The following PELP1 variants were observed in gnomAD, a reference collection of about 807,000 sequenced individuals.
PELP1 encodes proline, glutamate and leucine rich protein 1.
A neutral mutation model predicts 95.5 loss-of-function variants in PELP1; 32 were observed. That is an observed-to-expected ratio of 0.34 (90% CI 0.25 to 0.45). PELP1 has a LOEUF of 0.45. Among genes scored for constraint, PELP1 ranks in the 20% least tolerant of loss-of-function variants. PELP1 has a pLI of 1.00. For synonymous variants in PELP1, 668 were observed against 600.1 expected, an observed-to-expected ratio of 1.11 and a Z score of -1.65; for missense variants, 1,358 against 1,444.8, an observed-to-expected ratio of 0.94 and a Z score of 0.97.
At chr17:4,678,129 G>A (rs1226192581) in intron 5 of PELP1, among the ~76,000 whole-genome samples, 2 of 151,724 alleles carry the variant, frequency 1.3e-5, no homozygotes, top group East Asian at 3.9e-4. Flanking sequence ...CAGGAGAATT[G>A]CTTGAACCCA....
In PELP1 at chr17:4,677,866, C is replaced by T. The variant is rs117345996; in HGVS notation, c.643-1054G>A. ...GACCACCCAAGCCCAGAACCGAGAT[C>T]ATGCCAGTCAGTGTACTCTAGCCTG... On this transcript the variant is annotated intron_variant, in intron 5 of 16. Transcript: ENST00000572293. Among the ~76,000 whole-genome samples the T allele has an allele frequency of 2.2e-3, 333 of 151,404 alleles. 1 individual carries two copies. The highest frequency in any genetic ancestry group is 1.0e-2 in the Admixed American group (152 of 15,202).
rs1597448826 is a variant in PELP1, at chr17:4,678,468, C to A, written c.643-1656G>T. 2.0e-5 allele frequency among the ~76,000 whole-genome samples: 3 copies of A among 152,278 alleles called. No homozygotes were observed. In the East Asian group the frequency reaches 5.8e-4, roughly 29 times the overall value. The stretch of plus-strand genomic sequence containing the variant: ...CCTGGGTCACAGAGCGAGACCCTAT[C>A]TCCAAAAACGGCTCAAAAAGCTGGA... On this transcript the variant is annotated intron_variant, in intron 5 of 16. Transcript: ENST00000572293.
chr17:4,672,287 C>A lies in PELP1; in HGVS notation c.2704G>T (p.Glu902Ter). ...AAGTCTTCCTCCTCTTCCTCTTCTT[C>A]CTCTTCTTCTTCTTCCTCTTCTTCC... ...EEEEEEEEEE[E>*]EEEEEEDFEE... The change falls in exon 16 of 17, where the codon GAA (glutamate) becomes TAA (stop). Residue 902 changes from glutamate (E) to a stop codon, truncating the protein, a stop_gained. Transcript: ENST00000572293. LOFTEE classifies it high-confidence loss of function. 6.4e-7 allele frequency: 1 copy of A among 1,551,228 alleles called. No homozygotes were observed.
At chr17:4,701,012 A>AAAAAAAC (rs1913507215) in intron 1 of PELP1, among the ~76,000 whole-genome samples, 1 of 149,914 alleles carries the variant, frequency 6.7e-6, no homozygotes, top group Non-Finnish European at 1.5e-5. Flanking sequence ...AAAAAAAAAA[A>AAAAAAAC]AAAGCCAAGC....
At chr17:4,703,177 C>T (rs983557949) in intron 1 of PELP1, among the ~76,000 whole-genome samples, 2 of 152,128 alleles carry the variant, frequency 1.3e-5, no homozygotes, top group Non-Finnish European at 2.9e-5. Context: ...TCATCTGTAC[C>T]CACTCTCTTC....
At chr17:4,703,763 T>C (rs1268180591) in intron 1 of PELP1, 100 bp downstream of exon 1, 5 of 1,046,030 alleles carry the variant, frequency 4.8e-6, no homozygotes, top group Non-Finnish European at 6.9e-6. Context: ...CTCTCCTTCC[T>C]TCAACCTCCC....
intron 5 of PELP1, 127 bp downstream of exon 5, chr17:4,682,375 T>A (rs1397264697): frequency 1.5e-6 from 1 of 676,854 alleles, no homozygotes; most frequent in Non-Finnish European, 2.7e-6. Flanking sequence ...GGTAGAAGTG[T>A]ACTTGTGGAG....
rs764046837 is a variant in PELP1, at chr17:4,672,651, C to T, written c.2340G>A (p.Leu780=). The change falls in exon 16 of 17, where the codon TTG becomes TTA. Residue 780 remains leucine, a synonymous_variant. Transcript: ENST00000572293. ...KEEASDVEIS[L]ESDSDDSVVI... is the part of the protein sequence containing the mutation. Reference sequence around the variant, plus strand: ...CCACGCTGTCATCAGAGTCACTTTCCAAGGAGATCTCCACATCAGATGCCT... The same window carrying T: ...CCACGCTGTCATCAGAGTCACTTTCTAAGGAGATCTCCACATCAGATGCCT... The T allele has an allele frequency of 6.2e-7, 1 of 1,613,300 alleles. No homozygotes were observed. The highest frequency in any genetic ancestry group is 1.7e-5 in the Admixed American group (1 of 59,988).
chr17:4,684,102 G>C (rs1362148294), intron 3 of PELP1, among the ~76,000 whole-genome samples: 1 of 151,984 alleles, frequency 6.6e-6, no homozygotes, highest in Admixed American at 6.6e-5. Context: ...AATTTAAAAG[G>C]ACTTCCTTAG....
intron 5 of PELP1, among the ~76,000 whole-genome samples, chr17:4,679,037 T>C (rs1241472866): frequency 6.6e-6 from 1 of 151,860 alleles, no homozygotes; most frequent in African/African-American, 2.4e-5. Flanking sequence ...ATGACCTTTT[T>C]TTTTTTTGAG....
intron 3 of PELP1, among the ~76,000 whole-genome samples, chr17:4,683,754 CTCTGGGAG>C (rs1912802615): frequency 8.2e-6 from 1 of 121,502 alleles, no homozygotes; most frequent in Non-Finnish European, 1.7e-5. Flanking sequence ...TGGTCTTGAA[CTCTGGGAG>C]TCAAGTGATC....
At chr17:4,691,022 G>T in intron 2 of PELP1, 29 bp from the exon 3 acceptor site, 2 of 1,498,210 alleles carry the variant, frequency 1.3e-6, no homozygotes, top group Non-Finnish European at 1.9e-6. Context: ...GTCATGTTAA[G>T]TGGGCGGAGG....
At chr17:4,683,168 A>T in intron 3 of PELP1, 1 of 938,312 alleles carries the variant, frequency 1.1e-6, no homozygotes, top group Non-Finnish European at 1.4e-6. Context: ...TGTGTGGGGG[A>T]AAAAAAGAGT....
chr17:4,676,724 G>T, intron 6 of PELP1, 29 bp downstream of exon 6: 1 of 1,547,726 alleles, frequency 6.5e-7, no homozygotes, highest in Non-Finnish European at 8.8e-7. Context: ...CAGATCCCCG[G>T]GCTCTCCCTC....
At chr17:4,685,784 C>G (rs1329404826) in intron 3 of PELP1, among the ~76,000 whole-genome samples, 2 of 43,394 alleles carry the variant, frequency 4.6e-5, no homozygotes, top group Non-Finnish European at 4.4e-5. Context: ...CAAAATGAAA[C>G]CATGTCTTAA....
chr17:4,701,664 G>C (rs1217113191), intron 1 of PELP1, among the ~76,000 whole-genome samples: 1 of 152,202 alleles, frequency 6.6e-6, no homozygotes, highest in Non-Finnish European at 1.5e-5. Context: ...CCCCTTGCTC[G>C]CAAGCTCCAG....
At chr17:4,681,572 C>T (rs1035820468) in intron 5 of PELP1, among the ~76,000 whole-genome samples, 6 of 151,358 alleles carry the variant, frequency 4.0e-5, no homozygotes, top group African/African-American at 9.7e-5. Flanking sequence ...GAGGTCAAGG[C>T]GGGCGGATCA....
At position 4,675,975 on chromosome 17, in the gene PELP1, G is replaced by C; in HGVS notation, c.980+61C>G. 1 of 1,603,524 alleles carries C rather than the reference G, an allele frequency of 6.2e-7. No individual in the cohort carries two copies. Among genetic ancestry groups the C allele is most frequent in the South Asian group, 1.1e-5 (1 of 89,702 alleles). ...TCATCTCCTTTCTCCTGATGAAGGC[G>C]ACACTCCCTCATCAATCCCTCCTGC... is the stretch of plus-strand genomic sequence containing the variant. On this transcript the variant is annotated intron_variant, in intron 8 of 16. Transcript: ENST00000572293. The surrounding 1 kb of genome is among the most constrained non-coding windows in gnomAD (Gnocchi z 4.3).
At position 4,672,994 on chromosome 17, in the gene PELP1, T is replaced by C. The variant is rs1178750136; in HGVS notation, c.1997A>G (p.His666Arg). 1 of 1,555,736 alleles carries C rather than the reference T, an allele frequency of 6.4e-7. No individual in the cohort carries two copies. The highest frequency in any genetic ancestry group is 1.4e-5 in the African/African-American group (1 of 72,720). ...CACTGAGGGCATGGGGCCCGGAGGA[T>C]GGAACGGTGGGGCCCTGAAGGGCGA... Reference protein sequence around the residue: ...APSPFRAPPFHPPGPMPSVGS... With the variant: ...APSPFRAPPFRPPGPMPSVGS... Residue 666 changes from histidine (H) to arginine (R), a missense_variant, in exon 16 of 17, where the codon CAT becomes CGT. His to Arg is a conservative substitution (Grantham distance 29, BLOSUM62 0). Coordinates refer to ENST00000572293, the MANE Select transcript of PELP1 (RefSeq NM_014389.3).
Sources: allele counts gnomAD v4.1 joint callset (sites outside exome capture counted in the v4.1 genomes callset), GRCh38; gene constraint gnomAD v4.1.1; non-coding constraint Gnocchi (gnomAD v3.1); transcripts MANE v1.5; gene names NCBI Gene and HGNC (gene_info 2026-07-23, HGNC 2026-07-21).